NRG3: variants seen among roughly 807,000 people sequenced by gnomAD.
The protein encoded by NRG3 is neuregulin 3, also known as pro-neuregulin-3, membrane-bound isoform.
A neutral mutation model predicts 66.9 loss-of-function variants in NRG3; 31 were observed. That is an observed-to-expected ratio of 0.46 (90% confidence interval 0.35 to 0.63). NRG3 has a LOEUF of 0.63. Ranked by LOEUF, NRG3 falls within the 20% of genes least tolerant of loss-of-function variation. NRG3 has a pLI of 0.00. For missense variants in NRG3, 910 were observed against 878.9 expected (o/e 1.04, Z -0.45); for synonymous variants, 393 against 359.4 (o/e 1.09, Z -1.06).
At chr10:82,179,462 A>G (rs1000840226) in intron 1 of NRG3, among the ~76,000 whole-genome samples, 3 of 151,920 alleles carry the variant, frequency 2.0e-5, no homozygotes, top group East Asian at 1.9e-4. Flanking sequence ...ATTGTTTTGC[A>G]TATGGATTTC....
At chr10:82,013,602 A>C (rs1232816201) in intron 1 of NRG3, among the ~76,000 whole-genome samples, 3 of 152,196 alleles carry the variant, frequency 2.0e-5, no homozygotes, top group Non-Finnish European at 4.4e-5. Context: ...AATAAGTTTC[A>C]GAAATTCAAC....
intron 1 of NRG3, among the ~76,000 whole-genome samples, chr10:82,116,965 T>C (rs368784982): frequency 1.1e-4 from 16 of 152,124 alleles, no homozygotes; most frequent in East Asian, 1.9e-4. Flanking sequence ...TGCAACCCAC[T>C]CTCTTTCTAG....
At chr10:82,440,869 T>C (rs1219631331) in intron 2 of NRG3, among the ~76,000 whole-genome samples, 1 of 152,234 alleles carries the variant, frequency 6.6e-6, no homozygotes, top group East Asian at 1.9e-4. Flanking sequence ...TTTTAAATCT[T>C]AAGAGCAATC....
intron 2 of NRG3, among the ~76,000 whole-genome samples, chr10:82,609,610 GAA>G (rs2048182776): frequency 6.6e-6 from 1 of 150,712 alleles, no homozygotes; most frequent in Non-Finnish European, 1.5e-5. Context: ...AAGAGAGAGA[GAA>G]AATTGGAAAA....
intron 3 of NRG3, among the ~76,000 whole-genome samples, chr10:82,807,645 A>G (rs2061343202): frequency 6.6e-6 from 1 of 152,216 alleles, no homozygotes; most frequent in Admixed American, 6.5e-5. Context: ...CTCAAGTGCC[A>G]CCCCAAAGCA....
chr10:82,903,627 A>G (rs1239554647), intron 4 of NRG3, among the ~76,000 whole-genome samples: 1 of 152,144 alleles, frequency 6.6e-6, no homozygotes, highest in African/African-American at 2.4e-5. Flanking sequence ...ACAGTACTTC[A>G]AATGTATTTT....
intron 1 of NRG3, among the ~76,000 whole-genome samples, chr10:82,303,983 G>A (rs188527881): frequency 1.3e-5 from 2 of 152,316 alleles, no homozygotes; most frequent in East Asian, 3.9e-4. Context: ...TAACATGAAT[G>A]ACATTGTCAT....
intron 1 of NRG3, among the ~76,000 whole-genome samples, chr10:81,884,229 G>A (rs1842419545): frequency 6.6e-6 from 1 of 152,084 alleles, no homozygotes; most frequent in Non-Finnish European, 1.5e-5. Context: ...CATTGCTTCT[G>A]TCAAGCACTT....
At chr10:82,497,987 T>A (rs1477255065) in intron 2 of NRG3, among the ~76,000 whole-genome samples, 1 of 152,206 alleles carries the variant, frequency 6.6e-6, no homozygotes, top group African/African-American at 2.4e-5. Context: ...TGCTGACTAG[T>A]GATGTTGCAC....
chr10:81,903,617 G>T (rs1481950310), intron 1 of NRG3, among the ~76,000 whole-genome samples: 1 of 152,166 alleles, frequency 6.6e-6, no homozygotes, highest in Non-Finnish European at 1.5e-5. Flanking sequence ...CATATGGTCA[G>T]CATTGCATGG....
At chr10:82,703,827 T>C (rs140367214) in intron 2 of NRG3, among the ~76,000 whole-genome samples, 92 of 152,260 alleles carry the variant, frequency 6.0e-4, no homozygotes, top group African/African-American at 1.8e-3. Context: ...CTGGTTAGGA[T>C]CTGAACATCA....
chr10:82,057,132 A>G (rs1015006460), intron 1 of NRG3, among the ~76,000 whole-genome samples: 4 of 152,070 alleles, frequency 2.6e-5, no homozygotes, highest in Non-Finnish European at 5.9e-5. Flanking sequence ...CCTATTTTCC[A>G]TCACCCCTTA....
intron 1 of NRG3, among the ~76,000 whole-genome samples, chr10:82,224,622 A>C (rs1014998892): frequency 2.0e-5 from 3 of 152,214 alleles, no homozygotes; most frequent in Admixed American, 6.5e-5. Context: ...AATATGATGC[A>C]AGACATGAAA....
chr10:82,310,910 G>A (rs529325538), intron 1 of NRG3, among the ~76,000 whole-genome samples: 93 of 152,278 alleles, frequency 6.1e-4, no homozygotes, highest in African/African-American at 2.0e-3. Context: ...CTGGAAATTA[G>A]CCAATGTAGC....
intron 2 of NRG3, among the ~76,000 whole-genome samples, chr10:82,424,533 G>T (rs924440976): frequency 6.6e-6 from 1 of 151,776 alleles, no homozygotes; most frequent in Admixed American, 6.6e-5. Context: ...ATATGTTCAG[G>T]ATACAAATCC....
chr10:82,018,839 A>T (rs2061916753), intron 1 of NRG3, among the ~76,000 whole-genome samples: 1 of 152,152 alleles, frequency 6.6e-6, no homozygotes, highest in African/African-American at 2.4e-5. Flanking sequence ...TTTTGGGCTG[A>T]GACGATGGGG....
At chr10:82,458,627 A>G (rs1453173535) in intron 2 of NRG3, among the ~76,000 whole-genome samples, 1 of 152,248 alleles carries the variant, frequency 6.6e-6, no homozygotes, top group Non-Finnish European at 1.5e-5. Flanking sequence ...AGAAGGACAC[A>G]AAGAACAGTG....
At chr10:82,004,825 G>T (rs900631399) in intron 1 of NRG3, among the ~76,000 whole-genome samples, 1 of 152,160 alleles carries the variant, frequency 6.6e-6, no homozygotes, top group Admixed American at 6.5e-5. Flanking sequence ...GATGATGGAC[G>T]TCTGTGAGCC....
chr10:81,999,528 G>A (rs956588452), intron 1 of NRG3, among the ~76,000 whole-genome samples: 14 of 152,218 alleles, frequency 9.2e-5, no homozygotes, highest in South Asian at 4.1e-4. Context: ...TCTAGGAGAG[G>A]TCAGGTCATT....
Sources: allele counts gnomAD v4.1 joint callset (sites outside exome capture counted in the v4.1 genomes callset), GRCh38; gene constraint gnomAD v4.1.1; transcripts MANE v1.5; gene names NCBI Gene and HGNC (gene_info 2026-07-23, HGNC 2026-07-21).